Variants in SHTN1 observed in about 807,000 individuals in gnomAD.
SHTN1 encodes the protein shootin 1.
Under a neutral mutation model 83.1 loss-of-function variants are expected in SHTN1, and 42 were observed. The ratio of observed to expected loss-of-function variants is 0.51; its 90% confidence interval spans 0.39 to 0.65. The LOEUF (loss-of-function observed/expected upper bound fraction) is 0.65. Among genes scored for constraint, SHTN1 ranks in the 30% least tolerant of loss-of-function variants. The probability of loss-of-function intolerance (pLI) is 0.00; values close to 1 mark genes in which losing one functional copy is unlikely to be tolerated. For synonymous variants in SHTN1, 224 were observed against 247.7 expected (o/e 0.90, Z 0.90); for missense variants, 622 against 737.8 (o/e 0.84, Z 1.82).
intron 2 of SHTN1, among the ~76,000 whole-genome samples, chr10:117,032,599 C>T (rs1852434460): frequency 6.6e-6 from 1 of 152,124 alleles, no homozygotes; most frequent in Non-Finnish European, 1.5e-5. Flanking sequence ...ACAATAATAG[C>T]TGGAGAATTC....
Position 116,927,772 on chromosome 10 carries a change from G to T in SHTN1, c.1112+20C>A. ...GGAGAAGAACATTTGATGCAGAGCA[G>T]TCTTCCTGGATGTGCTTACCGGATA... On this transcript the variant is annotated intron_variant, in intron 11 of 16. Transcript: ENST00000355371. 6.5e-7 allele frequency: 1 copy of T among 1,527,306 alleles called. No individual in the cohort carries two copies. The highest frequency in any genetic ancestry group is 1.3e-5 in the South Asian group (1 of 77,422). 94.6% of individuals were successfully genotyped at this position (1,527,306 alleles called of 1,614,324 possible).
At chr10:117,095,224 G>A (rs903883985) in intron 1 of SHTN1, among the ~76,000 whole-genome samples, 2 of 152,156 alleles carry the variant, frequency 1.3e-5, no homozygotes, top group Non-Finnish European at 2.9e-5. Context: ...GTCAATGTCC[G>A]CTAGCCATTT....
intron 1 of SHTN1, among the ~76,000 whole-genome samples, chr10:117,116,922 G>A (rs975407887): frequency 1.3e-5 from 2 of 152,010 alleles, no homozygotes; most frequent in Admixed American, 1.3e-4. Context: ...AAATAATAAA[G>A]GCTGTATATG....
intron 11 of SHTN1, 119 bp from the exon 12 acceptor site, chr10:116,921,635 C>T (rs1358200506): frequency 1.8e-5 from 11 of 618,620 alleles, no homozygotes; most frequent in Non-Finnish European, 3.0e-5. Flanking sequence ...AAGTAGTCTA[C>T]GTTCCATTTT....
intron 2 of SHTN1, among the ~76,000 whole-genome samples, chr10:117,014,803 AT>A (rs1432746085): frequency 6.6e-6 from 1 of 152,234 alleles, no homozygotes; most frequent in African/African-American, 2.4e-5. Flanking sequence ...TAGGAACCTA[AT>A]TTTAAAATAG....
intron 12 of SHTN1, among the ~76,000 whole-genome samples, chr10:116,918,240 TC>T (rs1848440154): frequency 6.6e-6 from 1 of 152,114 alleles, no homozygotes; most frequent in Non-Finnish European, 1.5e-5. Flanking sequence ...AGTTAGTGCT[TC>T]AAGGTCAGTC....
intron 1 of SHTN1, among the ~76,000 whole-genome samples, chr10:117,072,134 AAAG>A (rs1452405616): frequency 1.3e-5 from 2 of 152,184 alleles, no homozygotes; most frequent in Non-Finnish European, 2.9e-5. Context: ...GCGGATGGGA[AAAG>A]AATAGACTGG....
At chr10:117,017,423 A>G (rs1449620113) in intron 2 of SHTN1, among the ~76,000 whole-genome samples, 41 of 150,224 alleles carry the variant, frequency 2.7e-4, no homozygotes, top group African/African-American at 9.3e-4. Flanking sequence ...CCCGGGAGGC[A>G]GAGCTTGCAG....
chr10:116,929,342 T>C (rs574965651), intron 10 of SHTN1, among the ~76,000 whole-genome samples: 6 of 152,202 alleles, frequency 3.9e-5, no homozygotes, highest in Admixed American at 3.9e-4. Context: ...TCTAAAGATT[T>C]TCCATTTAAT....
intron 3 of SHTN1, 138 bp downstream of exon 3, chr10:116,968,514 G>A (rs1850481987): frequency 3.4e-6 from 2 of 593,174 alleles, no homozygotes; most frequent in South Asian, 2.7e-5. Context: ...GCCTGGGCAT[G>A]TTTGGACAAA....
intron 1 of SHTN1, among the ~76,000 whole-genome samples, chr10:117,059,845 T>C (rs1852874563): frequency 6.6e-6 from 1 of 152,208 alleles, no homozygotes. Context: ...GGCTAAAGGA[T>C]ACATAGAATC....
chr10:117,057,726 GC>G (rs1353714353), intron 1 of SHTN1, among the ~76,000 whole-genome samples: 6 of 152,084 alleles, frequency 3.9e-5, no homozygotes, highest in African/African-American at 1.4e-4. Context: ...CACAGACACA[GC>G]CTACAACAAT....
intron 11 of SHTN1, among the ~76,000 whole-genome samples, chr10:116,922,427 T>A (rs1177583082): frequency 2.6e-5 from 4 of 151,872 alleles, no homozygotes; most frequent in Non-Finnish European, 5.9e-5. Context: ...GCCAAAAATA[T>A]ATGTATCTTA....
At chr10:116,910,936 T>C (rs1848166190) in intron 14 of SHTN1, among the ~76,000 whole-genome samples, 1 of 152,246 alleles carries the variant, frequency 6.6e-6, no homozygotes, top group African/African-American at 2.4e-5. Flanking sequence ...TTTAAAGACA[T>C]GCTTGATGAA....
chr10:116,973,966 G>A (rs1260098045), intron 2 of SHTN1: 2 of 1,226,716 alleles, frequency 1.6e-6, no homozygotes, highest in African/African-American at 1.5e-5. Flanking sequence ...GTGCTTTCTG[G>A]ATTTCTACAC....
intron 2 of SHTN1, among the ~76,000 whole-genome samples, chr10:117,037,998 C>CAAAAAAAAAAAAA (rs71013632): frequency 1.3e-5 from 1 of 75,496 alleles, no homozygotes; most frequent in African/African-American, 5.4e-5. Context: ...AGCGAGACTT[C>CAAAAAAAAAAAAA]AAAAAAAAAA....
intron 13 of SHTN1, among the ~76,000 whole-genome samples, chr10:116,912,305 C>G (rs1429326626): frequency 6.6e-6 from 1 of 152,180 alleles, no homozygotes; most frequent in African/African-American, 2.4e-5. Context: ...GCTCCACCAG[C>G]TATGGGAGGA....
At chr10:116,997,307 G>C (rs747508342) in intron 1 of SHTN1, among the ~76,000 whole-genome samples, 14 of 152,150 alleles carry the variant, frequency 9.2e-5, no homozygotes, top group South Asian at 2.1e-4. Flanking sequence ...ACAGTATGTT[G>C]AGCCACTGCT....
chr10:116,906,551 T>C, intron 15 of SHTN1, 76 bp downstream of exon 15: 3 of 1,407,146 alleles, frequency 2.1e-6, no homozygotes, highest in Non-Finnish European at 2.9e-6. Flanking sequence ...AAAAGATTGT[T>C]TCATGTAAAA....
Sources: gnomAD v4.1 joint callset for allele counts (sites outside exome capture counted in the v4.1 genomes callset) on GRCh38, gnomAD v4.1.1 for gene constraint, MANE v1.5 for transcripts, NCBI Gene and HGNC (gene_info 2026-07-23, HGNC 2026-07-21) for gene names.